Variants in SSH2 observed in about 807,000 individuals in gnomAD.
SSH2 encodes the protein protein phosphatase Slingshot homolog 2.
A neutral mutation model predicts 135.2 loss-of-function variants in SSH2; 37 were observed. That is an observed-to-expected ratio of 0.27 (90% CI 0.21 to 0.36). The LOEUF (loss-of-function observed/expected upper bound fraction) is 0.36, where lower values mean the gene tolerates loss of function less well. Among genes scored for constraint, SSH2 ranks in the 10% least tolerant of loss-of-function variants. The pLI is 1.00. For synonymous variants in SSH2, 628 were observed against 646.2 expected, an observed-to-expected ratio of 0.97 and a Z score of 0.43; for missense variants, 1,408 against 1,765.3, an observed-to-expected ratio of 0.80 and a Z score of 3.63.
intron 3 of SSH2, among the ~76,000 whole-genome samples, chr17:29,717,211 C>T (rs563150611): frequency 1.3e-5 from 2 of 152,350 alleles, no homozygotes; most frequent in African/African-American, 4.8e-5. Context: ...TCATGGCTCA[C>T]TGCAGCCTCA....
chr17:29,748,914 A>T (rs1192473770), intron 3 of SSH2, among the ~76,000 whole-genome samples: 1 of 152,230 alleles, frequency 6.6e-6, no homozygotes, highest in Non-Finnish European at 1.5e-5. Flanking sequence ...TTGTAAACCA[A>T]GCCTAGCAAT....
chr17:29,742,812 T>C (rs2040614675), intron 3 of SSH2, among the ~76,000 whole-genome samples: 1 of 151,822 alleles, frequency 6.6e-6, no homozygotes, highest in African/African-American at 2.4e-5. Flanking sequence ...TTTTGTATTT[T>C]TTAGTAGAGA....
At chr17:29,724,468 C>T (rs551166812) in intron 3 of SSH2, among the ~76,000 whole-genome samples, 4 of 121,922 alleles carry the variant, frequency 3.3e-5, no homozygotes, top group East Asian at 5.2e-4. Flanking sequence ...GCGGAGGTTA[C>T]AGTGAGCCAA....
intron 3 of SSH2, among the ~76,000 whole-genome samples, chr17:29,741,934 CTTT>C (rs71138848): frequency 1.1e-4 from 11 of 97,932 alleles, no homozygotes; most frequent in Non-Finnish European, 1.2e-4. Flanking sequence ...ATTTTTTTTT[CTTT>C]TTTTTTTTTT....
intron 2 of SSH2, among the ~76,000 whole-genome samples, chr17:29,818,194 A>C (rs2151337852): frequency 6.6e-6 from 1 of 150,916 alleles, no homozygotes; most frequent in East Asian, 1.9e-4. Context: ...CTATTTTTTA[A>C]ATTTTCTGAA....
chr17:29,704,289 G>A (rs1272863932), intron 3 of SSH2, among the ~76,000 whole-genome samples: 1 of 152,164 alleles, frequency 6.6e-6, no homozygotes, highest in African/African-American at 2.4e-5. Flanking sequence ...CTGCCAACTT[G>A]TATCCCCATA....
At chr17:29,816,504 G>A (rs1010201445) in intron 2 of SSH2, among the ~76,000 whole-genome samples, 1 of 152,116 alleles carries the variant, frequency 6.6e-6, no homozygotes, top group African/African-American at 2.4e-5. Flanking sequence ...AATCAAGCCT[G>A]TGTTTAATTA....
intron 3 of SSH2, chr17:29,761,102 C>G: frequency 7.8e-7 from 1 of 1,286,630 alleles, no homozygotes; most frequent in Non-Finnish European, 1.0e-6. Context: ...GCTGAAAGAG[C>G]AAACTTTCTG....
intron 1 of SSH2, among the ~76,000 whole-genome samples, chr17:29,904,977 C>T (rs748104135): frequency 5.3e-5 from 8 of 152,112 alleles, no homozygotes; most frequent in Non-Finnish European, 1.2e-4. Flanking sequence ...AACTACAAAC[C>T]ACTGCTCAAA....
At position 29,929,976 on chromosome 17, in the gene SSH2, A is replaced by G; in HGVS notation, c.25T>C (p.Ser9Pro). MALVTVQR[S>P]PTPSTTSSPC... is the part of the protein sequence containing the mutation. ...CTGGAGGTGGTGCTGGGGGTAGGTG[A>G]CCGCTGGACCGTGACCAAAGCCATC... Residue 9 changes from serine (S) to proline (P), a missense_variant, in exon 1 of 16, where the codon TCA (serine) becomes CCA (proline). Physicochemically the swap from Ser to Pro is moderately conservative, Grantham distance 74 (BLOSUM62 -1). Around this residue, in one of 3 missense-constraint regions of SSH2, gnomAD observed 222 missense variants for 355.6 expected, o/e 0.62. Coordinates refer to ENST00000540801, the MANE Select transcript of SSH2 (RefSeq NM_001282129.2). The G allele has an allele frequency of 6.2e-7, 1 of 1,601,466 alleles. No individual in the cohort carries two copies. The highest frequency in any genetic ancestry group is 8.5e-7 in the Non-Finnish European group (1 of 1,174,668).
In SSH2 at chr17:29,630,899, C is replaced by G. The variant is rs764182653; in HGVS notation, c.4295G>C (p.Arg1432Thr). ...TTTTTTGTCATTTGCCTTTTTCAGT[C>G]TCCTAAGGGGGTGAGTTCTGCCGTG... Reference protein sequence around the residue: ...QQHGRTHPLRRLKKANDKKRT... With the variant: ...QQHGRTHPLRTLKKANDKKRT... Residue 1432 changes from arginine to threonine, a missense_variant, in exon 16 of 16, where the codon AGA becomes ACA. By Grantham distance (71) the Arg-to-Thr change is moderately conservative. Around this residue, in one of 3 missense-constraint regions of SSH2, gnomAD observed 1,080 missense variants for 1,144.5 expected, o/e 0.94. Transcript: ENST00000540801. 7 of 1,588,554 alleles carry G rather than the reference C, an allele frequency of 4.4e-6. No homozygotes were observed. Among genetic ancestry groups the G allele is most frequent in the Non-Finnish European group, 5.2e-6 (6 of 1,162,434 alleles).
At chr17:29,699,767 C>T (rs1325779706) in intron 4 of SSH2, among the ~76,000 whole-genome samples, 2 of 152,124 alleles carry the variant, frequency 1.3e-5, no homozygotes, top group Non-Finnish European at 2.9e-5. Context: ...GGATAAATAT[C>T]CACACTGAAA....
At chr17:29,726,310 A>G (rs1349836980) in intron 3 of SSH2, among the ~76,000 whole-genome samples, 6 of 152,198 alleles carry the variant, frequency 3.9e-5, no homozygotes, top group Non-Finnish European at 7.3e-5. Flanking sequence ...AACAACTTCA[A>G]TCCTATTGTA....
At position 29,811,026 on chromosome 17, in the gene SSH2, C is replaced by T. The variant is rs369565907; in HGVS notation, c.145-17089G>A. ...TGTTTGTTTTTTGGAGACAGAGTCT[C>T]GCTCTGTTGCACAAGGTGGAGTGCG... On this transcript the variant is annotated intron_variant, in intron 2 of 15. Coordinates refer to ENST00000540801, the MANE Select transcript of SSH2 (RefSeq NM_001282129.2). 1.0e-3 allele frequency among the ~76,000 whole-genome samples: 154 copies of T among 152,072 alleles called. 4 individuals are homozygous for T. In the South Asian group the frequency reaches 0.03, roughly 29 times the overall value.
intron 5 of SSH2, among the ~76,000 whole-genome samples, chr17:29,688,991 C>A (rs2038349537): frequency 6.6e-6 from 1 of 151,976 alleles, no homozygotes; most frequent in South Asian, 2.1e-4. Flanking sequence ...CCTCTCTCTA[C>A]TAAAAATACA....
intron 3 of SSH2, among the ~76,000 whole-genome samples, chr17:29,763,340 A>C (rs976560779): frequency 2.0e-5 from 3 of 152,198 alleles, no homozygotes; most frequent in Admixed American, 6.5e-5. Flanking sequence ...AAAATGTTTG[A>C]AAGATTTATT....
chr17:29,866,336 T>C (rs1375207033), intron 1 of SSH2, among the ~76,000 whole-genome samples: 2 of 152,214 alleles, frequency 1.3e-5, no homozygotes, highest in Admixed American at 1.3e-4. Flanking sequence ...AGTGGGGTTA[T>C]CTCCAGTGAG....
At chr17:29,662,139 C>T (rs1409885756) in intron 11 of SSH2, among the ~76,000 whole-genome samples, 2 of 152,120 alleles carry the variant, frequency 1.3e-5, no homozygotes, top group African/African-American at 2.4e-5. Context: ...AAAATGAAAC[C>T]TTTGGACTAT....
intron 2 of SSH2, among the ~76,000 whole-genome samples, chr17:29,830,021 A>G (rs996991033): frequency 6.6e-6 from 1 of 151,768 alleles, no homozygotes; most frequent in African/African-American, 2.4e-5. Flanking sequence ...TTGTATTTTT[A>G]GTAGAGATGG....
Sources: allele counts gnomAD v4.1 joint callset (sites outside exome capture counted in the v4.1 genomes callset), GRCh38; gene constraint gnomAD v4.1.1; regional missense constraint gnomAD v4.1.1; transcripts MANE v1.5; gene names NCBI Gene and HGNC (gene_info 2026-07-23, HGNC 2026-07-21).